MARCHF1: variants seen among roughly 807,000 people sequenced by gnomAD.
The protein encoded by MARCHF1 is E3 ubiquitin-protein ligase MARCHF1.
Under a neutral mutation model 54.2 loss-of-function variants are expected in MARCHF1, and 40 were observed. The ratio of observed to expected loss-of-function variants is 0.74; its 90% CI spans 0.57 to 0.96. The LOEUF (loss-of-function observed/expected upper bound fraction) is 0.96. Among genes scored for constraint, MARCHF1 ranks in the 40% least tolerant of loss-of-function variants. MARCHF1 has a pLI of 0.00. For missense variants in MARCHF1, 586 were observed against 656.5 expected (o/e 0.89, Z 1.17); for synonymous variants, 236 against 236.3 (o/e 1.00, Z 0.01).
At chr4:163,862,043 A>C (rs1029124888) in intron 3 of MARCHF1, among the ~76,000 whole-genome samples, 2 of 152,114 alleles carry the variant, frequency 1.3e-5, no homozygotes, top group Non-Finnish European at 2.9e-5. Flanking sequence ...CACAGATCTT[A>C]TACTTTTCAC....
At chr4:164,086,934 T>A (rs1755204511) in intron 2 of MARCHF1, among the ~76,000 whole-genome samples, 2 of 152,056 alleles carry the variant, frequency 1.3e-5, no homozygotes, top group Admixed American at 1.3e-4. Context: ...AAACTAACCT[T>A]AAAAACACCT....
intron 1 of MARCHF1, among the ~76,000 whole-genome samples, chr4:164,183,312 A>G (rs992443397): frequency 2.6e-5 from 4 of 152,204 alleles, no homozygotes; most frequent in African/African-American, 9.6e-5. Context: ...TGTAATGCAT[A>G]AAAAGTGGTA....
At chr4:164,091,434 A>ATATATATATATATAT (rs56887424) in intron 2 of MARCHF1, among the ~76,000 whole-genome samples, 5 of 147,058 alleles carry the variant, frequency 3.4e-5, no homozygotes, top group African/African-American at 4.9e-5. Flanking sequence ...ATATATGTAT[A>ATATATATATATATAT]AAATGAATTG....
At chr4:164,076,201 T>C (rs988294365) in intron 2 of MARCHF1, among the ~76,000 whole-genome samples, 2 of 150,982 alleles carry the variant, frequency 1.3e-5, no homozygotes, top group African/African-American at 4.9e-5. Flanking sequence ...AACAAACAAA[T>C]TGGAATCAAG....
intron 3 of MARCHF1, among the ~76,000 whole-genome samples, chr4:163,889,883 A>G (rs1750616974): frequency 6.6e-6 from 1 of 150,668 alleles, no homozygotes; most frequent in Admixed American, 6.6e-5. Context: ...TAATAAATGC[A>G]CATACTATTT....
chr4:163,892,040 C>T (rs1309865714), intron 3 of MARCHF1, among the ~76,000 whole-genome samples: 2 of 151,794 alleles, frequency 1.3e-5, no homozygotes, highest in Non-Finnish European at 2.9e-5. Context: ...AAATTGAAAA[C>T]CTCAGCTCAC....
intron 8 of MARCHF1, 21 bp downstream of exon 8, chr4:163,585,728 C>T (rs759914088): frequency 7.9e-6 from 12 of 1,524,692 alleles, no homozygotes; most frequent in Non-Finnish European, 5.3e-6. Context: ...CCTCCCAAAC[C>T]AATTCCTATG....
At chr4:164,006,323 C>T (rs758830072) in intron 2 of MARCHF1, among the ~76,000 whole-genome samples, 1 of 151,960 alleles carries the variant, frequency 6.6e-6, no homozygotes, top group East Asian at 1.9e-4. Flanking sequence ...ACATTTGTTG[C>T]ACTGAAGAAC....
intron 2 of MARCHF1, among the ~76,000 whole-genome samples, chr4:164,032,553 A>G (rs1409632904): frequency 1.3e-5 from 2 of 152,096 alleles, no homozygotes; most frequent in Non-Finnish European, 2.9e-5. Context: ...CATTGGTTTC[A>G]TATAACTTCT....
chr4:164,098,794 TA>T (rs1256072812), intron 2 of MARCHF1, among the ~76,000 whole-genome samples: 2 of 152,184 alleles, frequency 1.3e-5, no homozygotes, highest in African/African-American at 2.4e-5. Context: ...TCTATATTCA[TA>T]ACTCTTGTCT....
intron 3 of MARCHF1, among the ~76,000 whole-genome samples, chr4:163,904,131 A>C (rs2111315127): frequency 6.6e-6 from 1 of 152,294 alleles, no homozygotes; most frequent in East Asian, 1.9e-4. Context: ...TTTGGCTAAT[A>C]ATATTTTCTG....
Position 163,637,255 on chromosome 4 carries a change from T to C in MARCHF1, c.163-23862A>G, listed in dbSNP as rs1358212684. The stretch of plus-strand genomic sequence containing the variant: ...GCCAAAATTGACAAATGGGATCTCA[T>C]TAAACTAAAGAGCTTCTGCACAGCA... On this transcript the variant is annotated intron_variant, in intron 5 of 9. Coordinates refer to ENST00000514618, the MANE Select transcript of MARCHF1 (RefSeq NM_001394959.1). 1.3e-4 allele frequency among the ~76,000 whole-genome samples: 20 copies of C among 152,208 alleles called. No individual in the cohort carries two copies. The East Asian group carries it at 3.9e-3, about 29-fold the overall frequency.
chr4:164,367,523 T>C (rs919225180), intron 1 of MARCHF1, among the ~76,000 whole-genome samples: 3 of 152,066 alleles, frequency 2.0e-5, no homozygotes, highest in East Asian at 1.9e-4. Context: ...AATAACTTCG[T>C]TTTTATACTT....
intron 2 of MARCHF1, among the ~76,000 whole-genome samples, chr4:164,102,963 A>T (rs1579536005): frequency 3.1e-5 from 4 of 129,686 alleles, no homozygotes; most frequent in South Asian, 2.7e-4. Flanking sequence ...GGGGTTGCAA[A>T]CCTAGTCTCT....
intron 4 of MARCHF1, among the ~76,000 whole-genome samples, chr4:163,706,368 C>T (rs1483596979): frequency 6.6e-6 from 1 of 151,882 alleles, no homozygotes; most frequent in East Asian, 1.9e-4. Flanking sequence ...AAACTCTCAT[C>T]AGAGAGAAAA....
chr4:163,771,551 C>T (rs13147462), intron 4 of MARCHF1, among the ~76,000 whole-genome samples: 75,360 of 151,914 alleles, frequency 0.5, 19,125 homozygotes, highest in East Asian at 0.83. Flanking sequence ...TGAGCTCCCT[C>T]GGGCCTTTTC....
At chr4:163,703,359 G>A (rs1744862649) in intron 4 of MARCHF1, among the ~76,000 whole-genome samples, 2 of 151,938 alleles carry the variant, frequency 1.3e-5, no homozygotes. Flanking sequence ...GGTTTGCCTT[G>A]CTTTTGAAGC....
At chr4:163,862,805 A>G (rs1749968543) in intron 3 of MARCHF1, among the ~76,000 whole-genome samples, 1 of 152,102 alleles carries the variant, frequency 6.6e-6, no homozygotes, top group Non-Finnish European at 1.5e-5. Context: ...CAAAAACTGG[A>G]AGCAACAAAC....
intron 1 of MARCHF1, among the ~76,000 whole-genome samples, chr4:164,342,891 G>C (rs2110850959): frequency 6.6e-6 from 1 of 152,208 alleles, no homozygotes; most frequent in Admixed American, 6.5e-5. Flanking sequence ...GCCAGGAACA[G>C]AAAGACAAAT....
Sources: gnomAD v4.1 joint callset for allele counts (sites outside exome capture counted in the v4.1 genomes callset) on GRCh38, gnomAD v4.1.1 for gene constraint, MANE v1.5 for transcripts, NCBI Gene and HGNC (gene_info 2026-07-23, HGNC 2026-07-21) for gene names.